HIPK2: variants seen among roughly 807,000 people sequenced by gnomAD.
HIPK2 encodes homeodomain interacting protein kinase 2, also known as homeodomain-interacting protein kinase 2.
HIPK2 carries 27 observed loss-of-function variants against 113.7 expected under a neutral mutation model. The observed-to-expected ratio is 0.24, with a 90% CI of 0.17 to 0.33. The LOEUF (loss-of-function observed/expected upper bound fraction) is 0.33. Among genes scored for constraint, HIPK2 ranks in the 10% least tolerant of loss-of-function variants. The pLI, the probability that HIPK2 is intolerant of heterozygous loss-of-function variation, is 1.00. For missense variants in HIPK2, 1,257 were observed against 1,588.0 expected (o/e 0.79, Z 3.54); for synonymous variants, 631 against 642.2 (o/e 0.98, Z 0.26).
At chr7:139,648,551 G>A (rs936070490) in intron 2 of HIPK2, among the ~76,000 whole-genome samples, 2 of 152,164 alleles carry the variant, frequency 1.3e-5, no homozygotes, top group Admixed American at 6.5e-5. Context: ...TTATCCCCCC[G>A]GGATAGCATC....
In HIPK2 at chr7:139,631,448, GA is replaced by G. The variant is rs1800614271; in HGVS notation, c.1227+153del. The G allele has an allele frequency of 1.1e-6, 1 of 940,140 alleles. No individual in the cohort carries two copies. The highest frequency in any genetic ancestry group is 6.2e-5 in the Admixed American group (1 of 16,200). 58.2% of individuals were successfully genotyped at this position (940,140 alleles called of 1,614,324 possible). A position where few individuals can be genotyped will look rare whatever the true frequency, so the allele number is the denominator to read the frequency against. ...AAAAGGGAAAAGAGAAAGGAATAAA[GA>G]AAAAATAGCAAGGTTAAGGGAAGCA... On this transcript the variant is annotated intron_variant, in intron 3 of 14. Transcript: ENST00000406875. The surrounding 1 kb of genome is among the most constrained non-coding windows in gnomAD (Gnocchi z 4.9).
chr7:139,681,261 G>A (rs986534508), intron 2 of HIPK2, among the ~76,000 whole-genome samples: 4 of 152,140 alleles, frequency 2.6e-5, no homozygotes, highest in Admixed American at 6.5e-5. Context: ...TTTTTGGCCT[G>A]TTTTGATAAC....
Position 139,751,629 on chromosome 7 carries a change from T to TGGAC in HIPK2, c.19+25972_19+25975dup, listed in dbSNP as rs1248895538. The stretch of plus-strand genomic sequence containing the variant: ...ATGGATGGATGGATGGATGGATGGA[T>TGGAC]GGACAAACATATTTCTGCTGGGCCA... On this transcript the variant is annotated intron_variant, in intron 1 of 14. Transcript: ENST00000406875. Among the ~76,000 whole-genome samples, 6 of 149,158 alleles carry TGGAC rather than the reference T, an allele frequency of 4.0e-5. No individual in the cohort carries two copies. In the East Asian group the frequency reaches 5.9e-4, roughly 15 times the overall value.
At chr7:139,617,178 C>T (rs1468921135) in intron 7 of HIPK2, among the ~76,000 whole-genome samples, 4 of 152,154 alleles carry the variant, frequency 2.6e-5, no homozygotes, top group Non-Finnish European at 5.9e-5. Flanking sequence ...GAGAGGAGCA[C>T]ACAGAGAACT....
At chr7:139,635,401 C>T (rs1160961204) in intron 2 of HIPK2, among the ~76,000 whole-genome samples, 4 of 152,172 alleles carry the variant, frequency 2.6e-5, no homozygotes, top group Non-Finnish European at 5.9e-5. Flanking sequence ...TCCTAACCCA[C>T]GGAAACCTCG....
intron 2 of HIPK2, among the ~76,000 whole-genome samples, chr7:139,655,239 C>T (rs2116502109): frequency 6.6e-6 from 1 of 152,294 alleles, no homozygotes. Context: ...AAATACAAAC[C>T]AGAAAATAGT....
In HIPK2 at chr7:139,567,528, A is replaced by G. The variant is rs1798131822; in HGVS notation, c.*5399T>C. On this transcript the variant is annotated 3_prime_UTR_variant, in exon 15 of 15. Transcript: ENST00000406875. ...TCCATTTCTGGAGGCGTCTTTGAGA[A>G]GGGTTCTTTGGCTAAAGAAAGGAAC... 1 of 152,196 alleles carries G rather than the reference A, an allele frequency of 6.6e-6. No individual in the cohort carries two copies. The highest frequency in any genetic ancestry group is 2.1e-4 in the South Asian group (1 of 4,834). 9.4% of individuals were successfully genotyped at this position (152,196 alleles called of 1,614,324 possible). A position where few individuals can be genotyped will look rare whatever the true frequency, so the allele number is the denominator to read the frequency against.
At chr7:139,675,135 C>T (rs1358841138) in intron 2 of HIPK2, among the ~76,000 whole-genome samples, 3 of 152,140 alleles carry the variant, frequency 2.0e-5, no homozygotes, top group Non-Finnish European at 4.4e-5. Context: ...TTGCTCTTAC[C>T]GTTATTAACC....
At chr7:139,742,175 T>G (rs1035142959) in intron 1 of HIPK2, among the ~76,000 whole-genome samples, 1 of 151,988 alleles carries the variant, frequency 6.6e-6, no homozygotes, top group African/African-American at 2.4e-5. Flanking sequence ...AACAATGGAG[T>G]GGGAGTTAGA....
intron 2 of HIPK2, among the ~76,000 whole-genome samples, chr7:139,693,016 C>T (rs1221002697): frequency 6.6e-6 from 1 of 152,192 alleles, no homozygotes; most frequent in Non-Finnish European, 1.5e-5. Flanking sequence ...GAGAGAGCCA[C>T]TGCAGGAAGG....
At chr7:139,754,261 G>A (rs939743704) in intron 1 of HIPK2, among the ~76,000 whole-genome samples, 1 of 152,216 alleles carries the variant, frequency 6.6e-6, no homozygotes, top group African/African-American at 2.4e-5. Flanking sequence ...CTAAGTCTCC[G>A]ATAGAAGGAG....
In HIPK2 at chr7:139,577,843, C is replaced by T. The variant is rs116417734; in HGVS notation, c.2966-2555G>A. 5.2e-3 allele frequency among the ~76,000 whole-genome samples: 786 copies of T among 152,068 alleles called. 6 individuals carry two copies. The highest frequency in any genetic ancestry group is 0.017 in the African/African-American group (688 of 41,482). ...CAGTCCTGCTGGGGTGAGATGTGCACAGAAACAATACTGATTTTTTTTTTT... is the reference window on the plus strand; with the variant it reads ...CAGTCCTGCTGGGGTGAGATGTGCATAGAAACAATACTGATTTTTTTTTTT... On this transcript the variant is annotated intron_variant, in intron 13 of 14. Transcript: ENST00000406875.
At chr7:139,610,635 AC>A (rs1799782286) in intron 9 of HIPK2, among the ~76,000 whole-genome samples, 1 of 152,242 alleles carries the variant, frequency 6.6e-6, no homozygotes, top group Non-Finnish European at 1.5e-5. Flanking sequence ...GTCATTCTGG[AC>A]CTAAGCACAG....
At chr7:139,678,545 T>C (rs1802587890) in intron 2 of HIPK2, among the ~76,000 whole-genome samples, 1 of 152,248 alleles carries the variant, frequency 6.6e-6, no homozygotes, top group Non-Finnish European at 1.5e-5. Flanking sequence ...ATAACTGTTT[T>C]GGTACCAGTA....
chr7:139,603,965 A>G (rs1799527197), intron 10 of HIPK2, 116 bp downstream of exon 10: 1 of 1,379,232 alleles, frequency 7.3e-7, no homozygotes, highest in African/African-American at 1.4e-5. Context: ...AGCTTTAAAA[A>G]GCTCTCTACA....
rs981119364 is a variant in HIPK2 at position 139,620,456 on chromosome 7, G to A, written c.1727C>T (p.Thr576Met). 10 of 1,613,996 alleles carry A rather than the reference G, an allele frequency of 6.2e-6. No homozygotes were observed. The highest frequency in any genetic ancestry group is 2.2e-5 in the East Asian group (1 of 44,868). The change falls in exon 7 of 15, where the codon ACG becomes ATG. Residue 576 changes from threonine to methionine, a missense_variant. Physicochemically the swap from Thr to Met is moderately conservative, Grantham distance 81. Around this residue, in one of 5 missense-constraint regions of HIPK2, gnomAD observed 862 missense variants for 1,004.3 expected, o/e 0.86. Coordinates refer to ENST00000406875, the MANE Select transcript of HIPK2 (RefSeq NM_022740.5). ...AAAGGTCATGGTCAGGTTGGTGGAC[G>A]TGCTGGGGGCCACGTGCGTGATGAA... is the stretch of plus-strand genomic sequence containing the variant. Reference protein sequence around the residue: ...TPFITHVAPSTSTNLTMTFNN... With the variant: ...TPFITHVAPSMSTNLTMTFNN...
rs770775967 is a variant in HIPK2, at chr7:139,716,126, T to G, written c.909A>C (p.Pro303=). 51 of 1,613,928 alleles carry G rather than the reference T, an allele frequency of 3.2e-5. No homozygotes were observed. Among genetic ancestry groups the G allele is most frequent in the Non-Finnish European group, 4.2e-5 (50 of 1,179,936 alleles). ...FSPLPLKYIR[P]VLQQVATALM... ...GGGCTGTGGCTACCTGCTGGAGAACTGGGCGAATGTATTTGAGGGGCAAGG... is the reference window on the plus strand; with the variant it reads ...GGGCTGTGGCTACCTGCTGGAGAACGGGGCGAATGTATTTGAGGGGCAAGG... The change falls in exon 2 of 15, where the codon CCA becomes CCC. Residue 303 remains proline (P), a synonymous_variant. Coordinates refer to ENST00000406875, the MANE Select transcript of HIPK2 (RefSeq NM_022740.5). The surrounding 1 kb of genome is among the most constrained non-coding windows in gnomAD (Gnocchi z 9.3).
intron 1 of HIPK2, among the ~76,000 whole-genome samples, chr7:139,755,605 A>G (rs1796349556): frequency 6.6e-6 from 1 of 152,242 alleles, no homozygotes; most frequent in African/African-American, 2.4e-5. Context: ...ATGGAACTGT[A>G]AACACGCTCA....
rs540910197 is a variant in HIPK2, at chr7:139,777,250, G to C, written c.19+355C>G. On this transcript the variant is annotated intron_variant, in intron 1 of 14. Coordinates refer to ENST00000406875, the MANE Select transcript of HIPK2 (RefSeq NM_022740.5). ...AGGAGGTGCTCCGAAAGGTAATGTGGGGGGGCGGTGGAAGCTAAGCCGCAT... is the reference window on the plus strand; with the variant it reads ...AGGAGGTGCTCCGAAAGGTAATGTGCGGGGGCGGTGGAAGCTAAGCCGCAT... 42 of 152,774 alleles carry C rather than the reference G, an allele frequency of 2.7e-4. 1 individual carries two copies. In the South Asian group the frequency reaches 8.7e-3, roughly 32 times the overall value. The allele number at this position is 152,774 out of a possible 1,614,324, so 9.5% of individuals were successfully genotyped here.
Sources: allele counts gnomAD v4.1 joint callset (sites outside exome capture counted in the v4.1 genomes callset), GRCh38; gene constraint gnomAD v4.1.1; regional missense constraint gnomAD v4.1.1; non-coding constraint Gnocchi (gnomAD v3.1); transcripts MANE v1.5; gene names NCBI Gene and HGNC (gene_info 2026-07-23, HGNC 2026-07-21).